The following CTNND2 variants were observed in gnomAD, a reference collection of about 807,000 sequenced individuals.
CTNND2 encodes catenin delta 2, also known as catenin delta-2.
A neutral mutation model predicts 144.4 loss-of-function variants in CTNND2; 22 were observed. That is an observed-to-expected ratio of 0.15 (90% CI 0.11 to 0.22). The LOEUF (loss-of-function observed/expected upper bound fraction) is 0.22. Ranked by LOEUF, CTNND2 falls within the 10% of genes least tolerant of loss-of-function variation. The pLI is 1.00. For missense variants in CTNND2, 1,353 were observed against 1,618.8 expected (o/e 0.84, Z 2.82); for synonymous variants, 751 against 695.6 (o/e 1.08, Z -1.25).
intron 10 of CTNND2, among the ~76,000 whole-genome samples, chr5:11,208,168 T>C (rs1288813750): frequency 1.3e-5 from 2 of 152,182 alleles, no homozygotes; most frequent in South Asian, 2.1e-4. Context: ...GGGAAATTTC[T>C]GTATGAAGAA....
chr5:11,184,472 C>T (rs1735419555), intron 11 of CTNND2, among the ~76,000 whole-genome samples: 1 of 152,044 alleles, frequency 6.6e-6, no homozygotes, highest in African/African-American at 2.4e-5. Flanking sequence ...GCATGAAAGC[C>T]AAATACTATG....
At chr5:11,700,824 G>C (rs1561708243) in intron 2 of CTNND2, among the ~76,000 whole-genome samples, 1 of 152,182 alleles carries the variant, frequency 6.6e-6, no homozygotes, top group African/African-American at 2.4e-5. Flanking sequence ...CTGAACTAAA[G>C]AGAGAGAAAA....
chr5:11,736,763 A>C (rs1787704967), intron 1 of CTNND2, among the ~76,000 whole-genome samples: 2 of 152,214 alleles, frequency 1.3e-5, no homozygotes, highest in African/African-American at 2.4e-5. Flanking sequence ...AAAAACCAAG[A>C]ACAAAGGAAG....
intron 12 of CTNND2, among the ~76,000 whole-genome samples, chr5:11,127,789 C>A (rs1754830090): frequency 6.6e-6 from 1 of 152,166 alleles, no homozygotes; most frequent in Admixed American, 6.5e-5. Context: ...GATTACTCAT[C>A]CAGCTCGGAT....
intron 11 of CTNND2, among the ~76,000 whole-genome samples, chr5:11,199,156 AG>A (rs1015309617): frequency 1.1e-4 from 17 of 152,358 alleles, no homozygotes; most frequent in African/African-American, 4.1e-4. Flanking sequence ...ATTCTAATAA[AG>A]AGCCCTGGGT....
At chr5:11,826,585 C>G (rs955949959) in intron 1 of CTNND2, among the ~76,000 whole-genome samples, 4 of 151,686 alleles carry the variant, frequency 2.6e-5, no homozygotes, top group Non-Finnish European at 5.9e-5. Context: ...AAAGTGATAT[C>G]CAATCTAATA....
chr5:11,657,845 C>T (rs138520041), intron 2 of CTNND2, among the ~76,000 whole-genome samples: 1,896 of 151,890 alleles, frequency 0.012, 16 homozygotes, highest in Non-Finnish European at 0.019. Flanking sequence ...CATGTACCCC[C>T]GAAATTAGAA....
intron 3 of CTNND2, among the ~76,000 whole-genome samples, chr5:11,447,842 C>G (rs1764964170): frequency 6.6e-6 from 1 of 152,172 alleles, no homozygotes; most frequent in East Asian, 1.9e-4. Context: ...ATAGTGGGAA[C>G]TGAAGAAAAT....
intron 1 of CTNND2, among the ~76,000 whole-genome samples, chr5:11,869,243 C>T (rs1795914188): frequency 6.6e-6 from 1 of 152,176 alleles, no homozygotes; most frequent in East Asian, 1.9e-4. Context: ...CCCAAAAGAA[C>T]TGAAAACAAA....
At position 11,346,563 on chromosome 5, in the gene CTNND2, C is replaced by A. The variant is rs1754809317; in HGVS notation, c.1437G>T (p.Gln479His). 2.5e-6 allele frequency: 4 copies of A among 1,602,422 alleles called. No homozygotes were observed. The highest frequency in any genetic ancestry group is 3.4e-6 in the Non-Finnish European group (4 of 1,174,612). Reference protein sequence around the residue: ...LQRTGSQHGPQNAAAATFQRA... With the variant: ...LQRTGSQHGPHNAAAATFQRA... ...TCTGGAAGGTGGCCGCGGCGGCATT[C>A]TGTGGGCCGTGCTGGCTGCCTGTGC... Residue 479 changes from glutamine to histidine, a missense_variant, in exon 9 of 22, where the codon CAG becomes CAT. This residue lies in a region of CTNND2 where 708 missense variants were observed against 706.4 expected (regional missense o/e 1.00). Transcript: ENST00000304623.
chr5:11,475,385 GC>G (rs1729353503), intron 3 of CTNND2, among the ~76,000 whole-genome samples: 2 of 152,136 alleles, frequency 1.3e-5, no homozygotes, highest in African/African-American at 4.8e-5. Context: ...ACAATTAATG[GC>G]ATAAGAGTTC....
chr5:11,620,033 G>A (rs150518211), intron 2 of CTNND2, among the ~76,000 whole-genome samples: 22 of 147,812 alleles, frequency 1.5e-4, no homozygotes, highest in African/African-American at 4.8e-4. Context: ...CATTTTAATC[G>A]ATGATATTTT....
At chr5:11,743,702 G>T (rs1788148387) in intron 1 of CTNND2, among the ~76,000 whole-genome samples, 2 of 152,132 alleles carry the variant, frequency 1.3e-5, no homozygotes. Flanking sequence ...GGCTACACAG[G>T]TCATTTGCTG....
intron 1 of CTNND2, among the ~76,000 whole-genome samples, chr5:11,892,287 T>G (rs576436141): frequency 6.6e-6 from 1 of 152,198 alleles, no homozygotes; most frequent in African/African-American, 2.4e-5. Context: ...CTGGGATGAA[T>G]AGCCTACCTT....
intron 7 of CTNND2, among the ~76,000 whole-genome samples, chr5:11,373,764 T>C (rs1757669033): frequency 6.6e-6 from 1 of 152,210 alleles, no homozygotes. Flanking sequence ...GCAGACTCTT[T>C]AAGGCTGAAG....
At chr5:11,626,213 A>G (rs929702502) in intron 2 of CTNND2, among the ~76,000 whole-genome samples, 1 of 152,172 alleles carries the variant, frequency 6.6e-6, no homozygotes, top group African/African-American at 2.4e-5. Context: ...CTTTTGTTGC[A>G]CATTGATGCC....
At chr5:11,818,613 C>T (rs1250720526) in intron 1 of CTNND2, among the ~76,000 whole-genome samples, 1 of 152,270 alleles carries the variant, frequency 6.6e-6, no homozygotes, top group African/African-American at 2.4e-5. Context: ...AGTGATCCAC[C>T]CACCTTGGCA....
At chr5:11,252,664 G>C (rs1231916551) in intron 9 of CTNND2, among the ~76,000 whole-genome samples, 1 of 152,182 alleles carries the variant, frequency 6.6e-6, no homozygotes, top group Non-Finnish European at 1.5e-5. Flanking sequence ...TCAGCCACTT[G>C]CTAGGAGTCT....
At chr5:11,069,052 T>A (rs1276955522) in intron 16 of CTNND2, among the ~76,000 whole-genome samples, 1 of 152,236 alleles carries the variant, frequency 6.6e-6, no homozygotes, top group Non-Finnish European at 1.5e-5. Flanking sequence ...AGCAGAACAG[T>A]AACTACGCAA....
Sources: allele counts gnomAD v4.1 joint callset (sites outside exome capture counted in the v4.1 genomes callset), GRCh38; gene constraint gnomAD v4.1.1; regional missense constraint gnomAD v4.1.1; transcripts MANE v1.5; gene names NCBI Gene and HGNC (gene_info 2026-07-23, HGNC 2026-07-21).